RPTOR: variants seen among roughly 807,000 people sequenced by gnomAD.
RPTOR encodes regulatory-associated protein of mTOR.
In RPTOR, 21 loss-of-function variants were observed where a neutral mutation model predicts 169.9. The observed-to-expected ratio is 0.12, with a 90% CI of 0.09 to 0.18. The LOEUF is 0.18. Among genes scored for constraint, RPTOR ranks in the 10% least tolerant of loss-of-function variants. RPTOR has a pLI of 1.00. For synonymous variants in RPTOR, 732 were observed against 753.2 expected (o/e 0.97, Z 0.46); for missense variants, 1,133 against 1,855.9 (o/e 0.61, Z 7.16).
At chr17:80,884,284 G>C (rs1598377036) in intron 16 of RPTOR, among the ~76,000 whole-genome samples, 1 of 151,888 alleles carries the variant, frequency 6.6e-6, no homozygotes, top group Non-Finnish European at 1.5e-5. Context: ...TGGCCTGCAA[G>C]GCAGGGACCA....
intron 7 of RPTOR, among the ~76,000 whole-genome samples, chr17:80,818,215 C>G (rs1191539208): frequency 3.3e-5 from 5 of 152,212 alleles, no homozygotes; most frequent in African/African-American, 1.2e-4. Context: ...CATAGCACGG[C>G]TGGGACCAGC....
chr17:80,939,080 G>A (rs1430881308), intron 24 of RPTOR, among the ~76,000 whole-genome samples: 1 of 152,178 alleles, frequency 6.6e-6, no homozygotes, highest in African/African-American at 2.4e-5. Flanking sequence ...TCGAGACAGA[G>A]TTGCTTTTAG....
At chr17:80,644,874 G>A (rs951289272) in intron 3 of RPTOR, among the ~76,000 whole-genome samples, 1 of 152,168 alleles carries the variant, frequency 6.6e-6, no homozygotes, top group Non-Finnish European at 1.5e-5. Flanking sequence ...GTGTCTTAGG[G>A]TGTACCTTTG....
At chr17:80,952,435 C>T (rs116941195) in intron 28 of RPTOR, among the ~76,000 whole-genome samples, 1,981 of 152,278 alleles carry the variant, frequency 0.013, 17 homozygotes, top group South Asian at 0.027. Flanking sequence ...AGCTCAGGCC[C>T]TCCGCCAGCT....
intron 3 of RPTOR, among the ~76,000 whole-genome samples, chr17:80,656,132 G>T (rs558538017): frequency 6.6e-6 from 1 of 152,116 alleles, no homozygotes; most frequent in Non-Finnish European, 1.5e-5. Context: ...GTGCAGTAGC[G>T]CAATCTCGGC....
Position 80,695,607 on chromosome 17 carries a change from A to G in RPTOR, c.349-12234A>G, listed in dbSNP as rs1173366639. The stretch of plus-strand genomic sequence containing the variant: ...CCCAAGCAGCTGTTTTACAGGAAAC[A>G]AAGCAGGATGACCTTGGGCTTCCTA... On this transcript the variant is annotated intron_variant, in intron 3 of 33. Transcript: ENST00000306801. This position sits in a 1 kb window ranked among gnomAD's most constrained non-coding sequence, Gnocchi z 4.9. 2.6e-5 allele frequency among the ~76,000 whole-genome samples: 4 copies of G among 152,232 alleles called. No homozygotes were observed. In the South Asian group the frequency reaches 6.2e-4, roughly 24 times the overall value.
At chr17:80,599,939 A>G (rs143844137) in intron 1 of RPTOR, among the ~76,000 whole-genome samples, 334 of 152,288 alleles carry the variant, frequency 2.2e-3, no homozygotes, top group Non-Finnish European at 3.2e-3. Flanking sequence ...TCCTTGGTGT[A>G]AAGGAAGAGG....
intron 9 of RPTOR, among the ~76,000 whole-genome samples, chr17:80,825,288 C>T (rs1235243375): frequency 6.6e-6 from 1 of 150,592 alleles, no homozygotes; most frequent in Non-Finnish European, 1.5e-5. Flanking sequence ...CCCACCTCTC[C>T]CTCCAGAGGC....
chr17:80,962,786 G>T, intron 32 of RPTOR, 142 bp from the exon 33 acceptor site: 1 of 1,428,928 alleles, frequency 7.0e-7, no homozygotes, highest in Non-Finnish European at 9.4e-7. Flanking sequence ...TCCTCAGTGA[G>T]AGTGACCAGA....
intron 3 of RPTOR, among the ~76,000 whole-genome samples, chr17:80,668,617 C>T (rs1598207067): frequency 1.3e-5 from 2 of 152,232 alleles, no homozygotes; most frequent in South Asian, 2.1e-4. Flanking sequence ...AGTTCTCAGC[C>T]GTATGCCTAT....
At chr17:80,808,362 C>T (rs1456663902) in intron 7 of RPTOR, among the ~76,000 whole-genome samples, 1 of 152,130 alleles carries the variant, frequency 6.6e-6, no homozygotes, top group African/African-American at 2.4e-5. Context: ...GTGGTTGTGG[C>T]TGCAGTGGCT....
At chr17:80,557,948 C>T (rs927746152) in intron 1 of RPTOR, among the ~76,000 whole-genome samples, 1 of 151,844 alleles carries the variant, frequency 6.6e-6, no homozygotes, top group Non-Finnish European at 1.5e-5. Flanking sequence ...TAAATAAATA[C>T]ATAAATATAT....
Position 80,891,835 on chromosome 17 carries a change from C to T in RPTOR, c.2099C>T (p.Thr700Ile). The stretch of plus-strand genomic sequence containing the variant: ...TACGCCTTGCCTTCTCCAGCAACCA[C>T]AGGTATGGCGTCTTCTCCTGTGAAC... ...KNYALPSPAT[T>I]EGGSLTPVRD... The change falls in exon 18 of 34, where the codon ACA becomes ATA. Residue 700 changes from threonine to isoleucine, a missense_variant and splice_region_variant. Thr to Ile is a moderately conservative substitution (Grantham distance 89). Coordinates refer to ENST00000306801, the MANE Select transcript of RPTOR (RefSeq NM_020761.3). 2 of 1,605,210 alleles carry T rather than the reference C, an allele frequency of 1.2e-6. No individual in the cohort carries two copies. The highest frequency in any genetic ancestry group is 2.2e-5 in the East Asian group (1 of 44,820).
chr17:80,682,087 TG>T (rs1487048831), intron 3 of RPTOR, among the ~76,000 whole-genome samples: 2 of 147,608 alleles, frequency 1.4e-5, no homozygotes, highest in Non-Finnish European at 3.0e-5. Context: ...TTACCTCATG[TG>T]GTGAAAGATG....
At chr17:80,825,960 G>T (rs555631039) in intron 9 of RPTOR, among the ~76,000 whole-genome samples, 35 of 152,312 alleles carry the variant, frequency 2.3e-4, no homozygotes, top group African/African-American at 7.7e-4. Flanking sequence ...CTCGTGAGTG[G>T]AGCAGCCCTG....
chr17:80,553,343 G>A (rs1274724521), intron 1 of RPTOR, among the ~76,000 whole-genome samples: 1 of 152,236 alleles, frequency 6.6e-6, no homozygotes, highest in Non-Finnish European at 1.5e-5. Context: ...GCCTCTGGAT[G>A]TTGAGGCCTG....
At chr17:80,866,414 C>A (rs1224425808) in intron 13 of RPTOR, among the ~76,000 whole-genome samples, 2 of 152,020 alleles carry the variant, frequency 1.3e-5, no homozygotes, top group Non-Finnish European at 2.9e-5. Context: ...TGGAGTAAAC[C>A]CAAAGCTGTC....
intron 1 of RPTOR, among the ~76,000 whole-genome samples, chr17:80,555,394 T>C (rs7218584): frequency 0.62 from 93,934 of 151,974 alleles, 29,808 homozygotes; most frequent in Middle Eastern, 0.72. Context: ...ATTTCTAGTG[T>C]GTGTCCGGAG....
chr17:80,826,846 G>A (rs1209469904), intron 9 of RPTOR, among the ~76,000 whole-genome samples: 4 of 152,258 alleles, frequency 2.6e-5, no homozygotes, highest in African/African-American at 9.6e-5. Flanking sequence ...TGCTGTTGCC[G>A]ATGGCCTGGG....
Sources: gnomAD v4.1 joint callset for allele counts (sites outside exome capture counted in the v4.1 genomes callset) on GRCh38, gnomAD v4.1.1 for gene constraint, Gnocchi (gnomAD v3.1) non-coding constraint, MANE v1.5 for transcripts, NCBI Gene and HGNC (gene_info 2026-07-23, HGNC 2026-07-21) for gene names.